The following PROX1 variants were observed in gnomAD, a reference collection of about 807,000 sequenced individuals.
PROX1 encodes the protein prospero homeobox protein 1.
In PROX1, 7 loss-of-function variants were observed where a neutral mutation model predicts 58.8. The ratio of observed to expected loss-of-function variants is 0.12; its 90% CI spans 0.07 to 0.22. The LOEUF (loss-of-function observed/expected upper bound fraction) is 0.22. Ranked by LOEUF, PROX1 falls within the 10% of genes least tolerant of loss-of-function variation. The pLI is 1.00. For missense variants in PROX1, 675 were observed against 927.8 expected (o/e 0.73, Z 3.54); for synonymous variants, 350 against 358.3 (o/e 0.98, Z 0.26).
chr1:214,007,286 C>T (rs1477085517), intron 3 of PROX1, among the ~76,000 whole-genome samples: 1 of 152,122 alleles, frequency 6.6e-6, no homozygotes, highest in African/African-American at 2.4e-5. Flanking sequence ...TGATTCTATC[C>T]ATACCTTACC....
At chr1:213,998,876 T>C (rs1168693571) in intron 2 of PROX1, among the ~76,000 whole-genome samples, 1 of 150,442 alleles carries the variant, frequency 6.6e-6, no homozygotes, top group Admixed American at 6.6e-5. Context: ...AAGTGAGACT[T>C]TTTTTTTTAA....
chr1:213,998,243 C>T lies in PROX1; in HGVS notation c.1708C>T (p.Pro570Ser), dbSNP rs748116926. 6.4e-7 allele frequency: 1 copy of T among 1,568,070 alleles called. No individual in the cohort carries two copies. Among genetic ancestry groups the T allele is most frequent in the Non-Finnish European group, 8.6e-7 (1 of 1,157,448 alleles). ...TCTTCAAGATATGTCTGAAATATCA[C>T]CTTATTCGGGAAGTGCAATATCCTT... The part of the protein sequence containing the change: ...GDLQDMSEIS[P>S]YSGSAMQEGL... Residue 570 changes from proline (P) to serine (S), a missense_variant, in exon 2 of 5, where the codon CCT becomes TCT. Around this residue, in one of 8 missense-constraint regions of PROX1, gnomAD observed 39 missense variants for 73.4 expected, o/e 0.53. Transcript: ENST00000366958.
At chr1:213,990,530 G>C (rs370726420) in intron 1 of PROX1, among the ~76,000 whole-genome samples, 1 of 152,046 alleles carries the variant, frequency 6.6e-6, no homozygotes, top group African/African-American at 2.4e-5. Flanking sequence ...CTGTCTGCCA[G>C]TCAGCCCAAA....
chr1:214,009,855 C>G (rs1351484161), intron 3 of PROX1, among the ~76,000 whole-genome samples: 1 of 152,114 alleles, frequency 6.6e-6, no homozygotes, highest in Non-Finnish European at 1.5e-5. Flanking sequence ...GCACAGCCTG[C>G]TATCATTTTG....
In PROX1 at chr1:213,998,131, C is replaced by G. The variant is rs1558171217; in HGVS notation, c.1596C>G (p.His532Gln). 1.2e-6 allele frequency: 2 copies of G among 1,614,246 alleles called. No individual in the cohort carries two copies. The highest frequency in any genetic ancestry group is 2.7e-5 in the African/African-American group (2 of 75,066). ...TSLRTKMSSH[H>Q]LSHHPCSPAH... ...TGAGGACCAAGATGTCATCTCACCA[C>G]CTGAGCCACCACCCTTGTTCACCAG... Residue 532 changes from histidine (H) to glutamine (Q), a missense_variant, in exon 2 of 5, where the codon CAC becomes CAG. By Grantham distance (24) the His-to-Gln change is conservative. Transcript: ENST00000366958.
intron 2 of PROX1, 59 bp from the exon 3 acceptor site, chr1:214,005,106 A>T: frequency 2.9e-6 from 4 of 1,356,168 alleles, no homozygotes; most frequent in South Asian, 1.2e-5. Flanking sequence ...GACTGGAGGG[A>T]GGGAGGTGGG....
At chr1:214,008,429 A>C (rs573585920) in intron 3 of PROX1, among the ~76,000 whole-genome samples, 86 of 152,166 alleles carry the variant, frequency 5.7e-4, no homozygotes, top group East Asian at 3.7e-3. Context: ...ACAACAACAA[A>C]AAAAACCAGG....
intron 3 of PROX1, among the ~76,000 whole-genome samples, chr1:214,007,937 C>A (rs910749868): frequency 3.9e-5 from 6 of 152,280 alleles, no homozygotes; most frequent in African/African-American, 1.4e-4. Flanking sequence ...TATCTATGGA[C>A]CATGTAATGC....
chr1:214,040,818 C>T lies in PROX1; in HGVS notation c.*4984C>T, dbSNP rs974198655. 5 of 151,656 alleles carry T rather than the reference C, an allele frequency of 3.3e-5. No homozygotes were observed. The allele number at this position is 151,656 out of a possible 1,614,324, so 9.4% of individuals were successfully genotyped here. On this transcript the variant is annotated 3_prime_UTR_variant, in exon 5 of 5. Coordinates refer to ENST00000366958, the MANE Select transcript of PROX1 (RefSeq NM_001270616.2). The stretch of plus-strand genomic sequence containing the variant: ...TGAATTTTTGTTGTTGTCTATTGTT[C>T]TGAAGACTTTGCATAATTTATTGGT...
chr1:213,995,953 CTA>C (rs1462872788), intron 1 of PROX1, among the ~76,000 whole-genome samples: 1 of 152,160 alleles, frequency 6.6e-6, no homozygotes, highest in African/African-American at 2.4e-5. Flanking sequence ...TAAAAGCTCT[CTA>C]TTATATATTT....
chr1:214,037,258 T>C lies in PROX1; in HGVS notation c.*1424T>C, dbSNP rs575967080. The C allele has an allele frequency of 3.9e-5, 6 of 152,324 alleles. No homozygotes were observed. The highest frequency in any genetic ancestry group is 1.4e-4 in the African/African-American group (6 of 41,570). 9.4% of individuals were successfully genotyped at this position (152,324 alleles called of 1,614,324 possible). A position where few individuals can be genotyped will look rare whatever the true frequency, so the allele number is the denominator to read the frequency against. On this transcript the variant is annotated 3_prime_UTR_variant, in exon 5 of 5. Transcript: ENST00000366958. Reference sequence around the variant, plus strand: ...TCTTAGGTGGGTTTTTGTGTCCAGATGCAGTAAGAATTCATTGTTCATCCT... The same window carrying C: ...TCTTAGGTGGGTTTTTGTGTCCAGACGCAGTAAGAATTCATTGTTCATCCT...
intron 4 of PROX1, among the ~76,000 whole-genome samples, chr1:214,019,855 G>A (rs758763641): frequency 1.3e-5 from 2 of 152,234 alleles, no homozygotes; most frequent in Non-Finnish European, 2.9e-5. Flanking sequence ...TTTTTGCTCC[G>A]TTCTTTTGTG....
intron 4 of PROX1, among the ~76,000 whole-genome samples, chr1:214,017,475 C>T (rs981649874): frequency 3.3e-5 from 5 of 152,006 alleles, no homozygotes; most frequent in African/African-American, 1.2e-4. Flanking sequence ...TGTTTTGCCT[C>T]TGTGAAATGA....
chr1:214,030,337 A>G (rs1265199344), intron 4 of PROX1: 8 of 152,250 alleles, frequency 5.3e-5, no homozygotes, highest in Admixed American at 2.0e-4. Context: ...TTGAAAAAAA[A>G]AATTAGCTTA....
chr1:214,011,467 AT>A (rs2102731276), intron 3 of PROX1, 53 bp from the exon 4 acceptor site: 3 of 1,478,904 alleles, frequency 2.0e-6, no homozygotes, highest in Non-Finnish European at 9.2e-7. Context: ...ACTTAAAAAA[AT>A]AAATGAAGAA....
chr1:214,003,180 G>T (rs1663585097), intron 2 of PROX1, among the ~76,000 whole-genome samples: 1 of 152,182 alleles, frequency 6.6e-6, no homozygotes, highest in South Asian at 2.1e-4. Context: ...TGGTAGCTCA[G>T]TGCCCATCTA....
upstream of PROX1, chr1:213,984,452 G>A (rs546506507): frequency 7.2e-5 from 11 of 152,290 alleles, no homozygotes; most frequent in Admixed American, 1.3e-4. Flanking sequence ...TACTTTGAAA[G>A]CTGTTGGTTA....
At chr1:214,011,025 G>A (rs762278813) in intron 3 of PROX1, among the ~76,000 whole-genome samples, 22 of 152,112 alleles carry the variant, frequency 1.4e-4, no homozygotes, top group Admixed American at 1.0e-3. Context: ...CATTTTGTGG[G>A]AAGGCCATTT....
At chr1:213,996,334 T>C in intron 1 of PROX1, 135 bp from the exon 2 acceptor site, 6 of 559,238 alleles carry the variant, frequency 1.1e-5, no homozygotes, top group Middle Eastern at 4.8e-4. Flanking sequence ...GCAGAGTGCA[T>C]AATAAATTGC....
Sources: gnomAD v4.1 joint callset for allele counts (sites outside exome capture counted in the v4.1 genomes callset) on GRCh38, gnomAD v4.1.1 for gene constraint, gnomAD v4.1.1 regional missense constraint, MANE v1.5 for transcripts, NCBI Gene and HGNC (gene_info 2026-07-23, HGNC 2026-07-21) for gene names.